Variants in CNNM2 observed in about 807,000 individuals in gnomAD.
The protein encoded by CNNM2 is metal transporter CNNM2.
CNNM2 carries 12 observed loss-of-function variants against 66.9 expected under a neutral mutation model. The ratio of observed to expected loss-of-function variants is 0.18; its 90% CI spans 0.11 to 0.29. The LOEUF (loss-of-function observed/expected upper bound fraction) is 0.29, where lower values mean the gene tolerates loss of function less well. Among genes scored for constraint, CNNM2 ranks in the 10% least tolerant of loss-of-function variants. The probability of loss-of-function intolerance (pLI) is 1.00; values close to 1 mark genes in which losing one functional copy is unlikely to be tolerated. For synonymous variants in CNNM2, 557 were observed against 501.8 expected (o/e 1.11, Z -1.47); for missense variants, 705 against 1,167.7 (o/e 0.60, Z 5.77).
rs898281494 is a variant in CNNM2 at position 103,056,503 on chromosome 10, G to A, written c.1904-292G>A. Among the ~76,000 whole-genome samples, 15 of 152,204 alleles carry A rather than the reference G, an allele frequency of 9.9e-5. 1 individual carries two copies. The highest frequency in any genetic ancestry group is 2.2e-4 in the Non-Finnish European group (15 of 68,036). ...GGCATCCCCCGCACTCAAGGAGCCC[G>A]CTTGCCGTTGATTTTCGTTTCTGTC... On this transcript the variant is annotated intron_variant, in intron 3 of 7. Transcript: ENST00000369878.
At chr10:102,920,992 TC>T (rs1845612021) in intron 1 of CNNM2, 2 of 640,412 alleles carry the variant, frequency 3.1e-6, no homozygotes, top group Admixed American at 1.3e-4. Context: ...TTTAACGTGT[TC>T]TTTTTTTCCA....
intron 1 of CNNM2, among the ~76,000 whole-genome samples, chr10:103,030,775 A>G (rs2064807324): frequency 6.6e-6 from 1 of 152,212 alleles, no homozygotes; most frequent in African/African-American, 2.4e-5. Flanking sequence ...GTTAGGTACC[A>G]ATATGTCATA....
In CNNM2 at chr10:103,033,116, C is replaced by CAA. The variant is rs528890140; in HGVS notation, c.1622-16579_1622-16578dup. Among the ~76,000 whole-genome samples, 1 of 89,104 alleles carries CAA rather than the reference C, an allele frequency of 1.1e-5. No homozygotes were observed. The highest frequency in any genetic ancestry group is 2.4e-5 in the Non-Finnish European group (1 of 41,768). 58.5% of individuals were successfully genotyped at this position (89,104 alleles called of 152,430 possible). On this transcript the variant is annotated intron_variant, in intron 1 of 7. Coordinates refer to ENST00000369878, the MANE Select transcript of CNNM2 (RefSeq NM_017649.5). ...CTGAGTGACAGAGTAAGACCCTGTC[C>CAA]AAAAAAAAAAAAAGAAAAGAAAAAC...
intron 1 of CNNM2, among the ~76,000 whole-genome samples, chr10:103,000,242 CAAATAAATAAAT>C (rs139250349): frequency 0.12 from 18,204 of 146,222 alleles, 1,286 homozygotes; most frequent in Middle Eastern, 0.21. Context: ...GTCTCAAAAA[CAAATAAATAAAT>C]AAATAAATAA....
rs899708214 is a variant in CNNM2, at chr10:103,084,066, CAT to C, written c.*6887_*6888del. On this transcript the variant is annotated 3_prime_UTR_variant, in exon 8 of 8. Coordinates refer to ENST00000369878, the MANE Select transcript of CNNM2 (RefSeq NM_017649.5). Reference sequence around the variant, plus strand: ...TGTTCCTTCTTACCCTCATCACTCACATGAGACCAGTCCCTGAAGAACTTACG... The same window carrying C: ...TGTTCCTTCTTACCCTCATCACTCACGAGACCAGTCCCTGAAGAACTTACG... The C allele has an allele frequency of 4.6e-5, 7 of 152,350 alleles. No individual in the cohort carries two copies. The highest frequency in any genetic ancestry group is 1.9e-4 in the East Asian group (1 of 5,194). 9.4% of individuals were successfully genotyped at this position (152,350 alleles called of 1,614,324 possible).
In CNNM2 at chr10:103,086,370, A is replaced by C. The variant is rs2065811147; in HGVS notation, c.*9190A>C. 6.6e-6 allele frequency: 1 copy of C among 152,206 alleles called. No homozygotes were observed. The highest frequency in any genetic ancestry group is 1.5e-5 in the Non-Finnish European group (1 of 68,024). 9.4% of individuals were successfully genotyped at this position (152,206 alleles called of 1,614,324 possible). ...GTATGGCAATAGCTAGATCATAGTT[A>C]CCATTTTTCCCACCATCAAAGACAG... On this transcript the variant is annotated 3_prime_UTR_variant, in exon 8 of 8. Transcript: ENST00000369878.
chr10:103,007,211 C>A (rs2064246566), intron 1 of CNNM2, among the ~76,000 whole-genome samples: 1 of 152,104 alleles, frequency 6.6e-6, no homozygotes, highest in Non-Finnish European at 1.5e-5. Context: ...GGGAGTAGGT[C>A]ACAAAGATCA....
In CNNM2 at chr10:103,054,401, A is replaced by C; in HGVS notation, c.1838A>C (p.Asp613Ala). ...GATTTTTCTGCCTTTAAGCAGACAG[A>C]CAGTGAGATGAAGGTTAAAATATCA... The part of the protein sequence containing the change: ...KQDFSAFKQT[D>A]SEMKVKISPQ... Residue 613 changes from aspartate to alanine, a missense_variant, in exon 3 of 8, where the codon GAC becomes GCC. Transcript: ENST00000369878. The surrounding 1 kb of genome is among the most constrained non-coding windows in gnomAD (Gnocchi z 5.2). The C allele has an allele frequency of 6.2e-7, 1 of 1,613,954 alleles. No homozygotes were observed. Among genetic ancestry groups the C allele is most frequent in the Non-Finnish European group, 8.5e-7 (1 of 1,179,874 alleles).
Position 102,988,080 on chromosome 10 carries a change from C to A in CNNM2, c.1622-61627C>A, listed in dbSNP as rs368949017. On this transcript the variant is annotated intron_variant, in intron 1 of 7. Coordinates refer to ENST00000369878, the MANE Select transcript of CNNM2 (RefSeq NM_017649.5). Reference sequence around the variant, plus strand: ...TTGGGAGGCCGAGGCGGGTGGATCACCTGAGGTCAGGAGTTTGAGACCAGC... The same window carrying A: ...TTGGGAGGCCGAGGCGGGTGGATCAACTGAGGTCAGGAGTTTGAGACCAGC... 3.3e-5 allele frequency among the ~76,000 whole-genome samples: 5 copies of A among 152,276 alleles called. No homozygotes were observed. In the South Asian group the frequency reaches 1.0e-3, roughly 32 times the overall value.
chr10:102,989,016 A>G (rs746987560), intron 1 of CNNM2, among the ~76,000 whole-genome samples: 14 of 152,224 alleles, frequency 9.2e-5, no homozygotes, highest in Non-Finnish European at 7.3e-5. Context: ...CTGGTTGTCT[A>G]ACTACACAGG....
At chr10:102,991,899 T>G (rs918934554) in intron 1 of CNNM2, among the ~76,000 whole-genome samples, 3 of 152,198 alleles carry the variant, frequency 2.0e-5, no homozygotes, top group Non-Finnish European at 4.4e-5. Context: ...GTAAACATTT[T>G]ATTTTTTTTC....
intron 1 of CNNM2, among the ~76,000 whole-genome samples, chr10:102,979,287 G>C (rs1023751749): frequency 2.0e-5 from 3 of 152,126 alleles, no homozygotes; most frequent in African/African-American, 7.2e-5. Flanking sequence ...GCTTGTCAGT[G>C]GTTTATCAAC....
intron 1 of CNNM2, among the ~76,000 whole-genome samples, chr10:103,014,124 T>C (rs1471724106): frequency 6.6e-6 from 1 of 152,218 alleles, no homozygotes; most frequent in African/African-American, 2.4e-5. Context: ...GCATTACAGC[T>C]TGAAAGTCAT....
intron 6 of CNNM2, among the ~76,000 whole-genome samples, chr10:103,074,881 T>C (rs1294293755): frequency 1.3e-5 from 2 of 152,168 alleles, no homozygotes; most frequent in Non-Finnish European, 2.9e-5. Flanking sequence ...CTGGAGATTC[T>C]TGGAGTACTT....
At chr10:102,963,838 TAAG>T (rs2063419868) in intron 1 of CNNM2, among the ~76,000 whole-genome samples, 2 of 152,330 alleles carry the variant, frequency 1.3e-5, no homozygotes, top group East Asian at 3.9e-4. Flanking sequence ...CTTGAGGTGA[TAAG>T]TGCCCAAAGG....
intron 4 of CNNM2, among the ~76,000 whole-genome samples, chr10:103,066,022 G>A (rs1234099785): frequency 1.3e-5 from 2 of 152,142 alleles, no homozygotes; most frequent in African/African-American, 2.4e-5. Flanking sequence ...TCCTCCCACT[G>A]ATTCCTCTGT....
intron 1 of CNNM2, among the ~76,000 whole-genome samples, chr10:103,020,166 T>C (rs2064544128): frequency 2.0e-5 from 3 of 152,138 alleles, no homozygotes; most frequent in Admixed American, 2.0e-4. Context: ...CTTTTTTTTT[T>C]TCGTCTGAGA....
intron 1 of CNNM2, among the ~76,000 whole-genome samples, chr10:103,011,433 A>G (rs1415241316): frequency 1.3e-5 from 2 of 148,324 alleles, no homozygotes; most frequent in African/African-American, 5.0e-5. Flanking sequence ...AGCCTGGGCA[A>G]CAGAGCAAGA....
At chr10:102,926,038 G>A (rs1019560391) in intron 1 of CNNM2, among the ~76,000 whole-genome samples, 1 of 152,116 alleles carries the variant, frequency 6.6e-6, no homozygotes, top group Non-Finnish European at 1.5e-5. Flanking sequence ...ATGATGATTG[G>A]ATTTGGTTAG....
Sources: gnomAD v4.1 joint callset for allele counts (sites outside exome capture counted in the v4.1 genomes callset) on GRCh38, gnomAD v4.1.1 for gene constraint, Gnocchi (gnomAD v3.1) non-coding constraint, MANE v1.5 for transcripts, NCBI Gene and HGNC (gene_info 2026-07-23, HGNC 2026-07-21) for gene names.